Variants in SORCS2 observed in about 807,000 individuals in gnomAD.
The protein encoded by SORCS2 is VPS10 domain-containing receptor SorCS2.
In SORCS2, 100 loss-of-function variants were observed where a neutral mutation model predicts 141.6. The ratio of observed to expected loss-of-function variants is 0.71; its 90% CI spans 0.60 to 0.83. The LOEUF (loss-of-function observed/expected upper bound fraction) is 0.83, where lower values mean the gene tolerates loss of function less well. Ranked by LOEUF, SORCS2 falls within the 40% of genes least tolerant of loss-of-function variation. The pLI, the probability that SORCS2 is intolerant of heterozygous loss-of-function variation, is 0.00. For synonymous variants in SORCS2, 789 were observed against 676.9 expected (o/e 1.17, Z -2.57); for missense variants, 1,646 against 1,560.2 (o/e 1.05, Z -0.93).
At chr4:7,408,302 C>T (rs1352367874) in intron 2 of SORCS2, among the ~76,000 whole-genome samples, 2 of 152,034 alleles carry the variant, frequency 1.3e-5, no homozygotes, top group African/African-American at 2.4e-5. Context: ...TGAATTCCCT[C>T]AGCTTTTGTT....
At chr4:7,697,385 C>T in intron 12 of SORCS2, 111 bp downstream of exon 12, 1 of 934,616 alleles carries the variant, frequency 1.1e-6, no homozygotes, top group Non-Finnish European at 1.6e-6. Flanking sequence ...GGGAGAAGCT[C>T]TGAGCCATGT....
At chr4:7,367,047 A>G (rs1406095905) in intron 1 of SORCS2, among the ~76,000 whole-genome samples, 1 of 152,220 alleles carries the variant, frequency 6.6e-6, no homozygotes, top group African/African-American at 2.4e-5. Context: ...GACACCAAGC[A>G]GTGGTGGATG....
chr4:7,280,657 C>T (rs1211602001), intron 1 of SORCS2, among the ~76,000 whole-genome samples: 1 of 152,224 alleles, frequency 6.6e-6, no homozygotes, highest in Non-Finnish European at 1.5e-5. Flanking sequence ...GTACTGATTT[C>T]AATTCCCACC....
chr4:7,348,887 G>GT (rs1224890395), intron 1 of SORCS2, among the ~76,000 whole-genome samples: 1 of 152,188 alleles, frequency 6.6e-6, no homozygotes, highest in Non-Finnish European at 1.5e-5. Flanking sequence ...GTTTTCTACT[G>GT]TTTTGCTGTC....
intron 2 of SORCS2, among the ~76,000 whole-genome samples, chr4:7,530,157 G>A (rs1007507542): frequency 2.0e-5 from 3 of 152,224 alleles, no homozygotes; most frequent in Admixed American, 6.5e-5. Flanking sequence ...CCAAAGATGT[G>A]TTCTAGAAGG....
chr4:7,333,022 C>T (rs765130944), intron 1 of SORCS2, among the ~76,000 whole-genome samples: 8 of 152,242 alleles, frequency 5.3e-5, no homozygotes, highest in Non-Finnish European at 1.2e-4. Context: ...TGGCACGGAA[C>T]AGGCTCCTGG....
intron 2 of SORCS2, among the ~76,000 whole-genome samples, chr4:7,478,634 T>A (rs1482669414): frequency 6.6e-6 from 1 of 152,188 alleles, no homozygotes; most frequent in Non-Finnish European, 1.5e-5. Context: ...CTCCCCCTGC[T>A]CTGACCTGGT....
chr4:7,309,413 T>A (rs1415641336), intron 1 of SORCS2, among the ~76,000 whole-genome samples: 1 of 152,082 alleles, frequency 6.6e-6, no homozygotes, highest in Admixed American at 6.5e-5. Flanking sequence ...CTTTAGCAAG[T>A]GTGAGAACGC....
intron 2 of SORCS2, chr4:7,430,480 C>T (rs1244330576): frequency 3.3e-5 from 5 of 152,234 alleles, no homozygotes; most frequent in East Asian, 1.9e-4. Flanking sequence ...CGAGAAAGCC[C>T]GAGGGGCAGC....
rs1219910675 is a variant in SORCS2, at chr4:7,646,451, C to T, written c.814-7683C>T. On this transcript the variant is annotated intron_variant, in intron 4 of 26. Transcript: ENST00000507866. ...TAGACTATTAGGGTGGGCTCCAATC[C>T]CATTTGACTGGTGTCCTTATAAGAA... Among the ~76,000 whole-genome samples, 3 of 152,108 alleles carry T rather than the reference C, an allele frequency of 2.0e-5. No homozygotes were observed. In the East Asian group the frequency reaches 5.8e-4, roughly 29 times the overall value.
Position 7,587,598 on chromosome 4 carries a change from T to C in SORCS2, c.649-50730T>C, listed in dbSNP as rs181534330. ...AGCAGAAAGGCCCATGGGGTTTCCA[T>C]AGAGACCAGGCCACCTGGAGTCGCC... On this transcript the variant is annotated intron_variant, in intron 3 of 26. Transcript: ENST00000507866. Among the ~76,000 whole-genome samples the C allele has an allele frequency of 2.6e-5, 4 of 152,316 alleles. No individual in the cohort carries two copies. The East Asian group carries it at 5.8e-4, about 22-fold the overall frequency.
intron 1 of SORCS2, among the ~76,000 whole-genome samples, chr4:7,299,551 G>A (rs1717300445): frequency 6.6e-6 from 1 of 152,204 alleles, no homozygotes; most frequent in South Asian, 2.1e-4. Context: ...TAGGAAGCGA[G>A]AGCATGTTAG....
chr4:7,418,013 T>C (rs1560268004), intron 2 of SORCS2, among the ~76,000 whole-genome samples: 1 of 152,188 alleles, frequency 6.6e-6, no homozygotes, highest in Non-Finnish European at 1.5e-5. Context: ...CAGATGTTTA[T>C]GAAGCCCTTA....
chr4:7,510,083 G>C (rs1732522934), intron 2 of SORCS2, among the ~76,000 whole-genome samples: 1 of 152,256 alleles, frequency 6.6e-6, no homozygotes, highest in African/African-American at 2.4e-5. Flanking sequence ...TGCCTCGTTA[G>C]AATGGACTCG....
At chr4:7,302,602 T>A (rs1717505380) in intron 1 of SORCS2, among the ~76,000 whole-genome samples, 1 of 152,220 alleles carries the variant, frequency 6.6e-6, no homozygotes, top group African/African-American at 2.4e-5. Flanking sequence ...GACTTGGACC[T>A]GTTTTTCTCC....
chr4:7,709,736 A>C (rs1725701360), intron 14 of SORCS2, among the ~76,000 whole-genome samples: 2 of 152,132 alleles, frequency 1.3e-5, no homozygotes, highest in Admixed American at 1.3e-4. Flanking sequence ...AATCTGCCCA[A>C]AGGCCACCTC....
chr4:7,525,484 G>A (rs1234793661), intron 2 of SORCS2, among the ~76,000 whole-genome samples: 1 of 152,026 alleles, frequency 6.6e-6, no homozygotes, highest in Non-Finnish European at 1.5e-5. Flanking sequence ...GGGCAGTCCT[G>A]ACTCCCAGCC....
intron 11 of SORCS2, among the ~76,000 whole-genome samples, chr4:7,694,645 G>C (rs564200183): frequency 6.4e-4 from 98 of 152,326 alleles, no homozygotes; most frequent in African/African-American, 2.0e-3. Flanking sequence ...AAGATAAAAG[G>C]CATCTTTTCT....
intron 2 of SORCS2, among the ~76,000 whole-genome samples, chr4:7,461,852 T>C (rs770806008): frequency 1.3e-5 from 2 of 152,158 alleles, no homozygotes; most frequent in Non-Finnish European, 2.9e-5. Context: ...ACCTGTCATC[T>C]GCATATTAAC....
Sources: allele counts gnomAD v4.1 joint callset (sites outside exome capture counted in the v4.1 genomes callset), GRCh38; gene constraint gnomAD v4.1.1; transcripts MANE v1.5; gene names NCBI Gene and HGNC (gene_info 2026-07-23, HGNC 2026-07-21).